PRR23E: variants seen among roughly 807,000 people sequenced by gnomAD.
PRR23E encodes the protein proline-rich protein 23E.
At chr3:127,193,324 G>A in the PRR23E span, 1 of 152,312 alleles carries the variant, frequency 6.6e-6, no homozygotes, top group Admixed American at 6.5e-5. Context: ...GGCTGAGGGG[G>A]TGGGGCGAGG....
At chr3:127,195,805 T>C in the PRR23E span, among the ~76,000 whole-genome samples, 1 of 152,270 alleles carries the variant, frequency 6.6e-6, no homozygotes, top group Admixed American at 6.5e-5. Flanking sequence ...GCCTCATCCT[T>C]GTCACCTAAG....
At chr3:127,193,900 T>A in the PRR23E span, among the ~76,000 whole-genome samples, 1 of 152,262 alleles carries the variant, frequency 6.6e-6, no homozygotes, top group Non-Finnish European at 1.5e-5. Context: ...TGATTTTGTA[T>A]AGCTTATTCT....
At chr3:127,196,950 A>G in the PRR23E span, 1 of 1,599,324 alleles carries the variant, frequency 6.3e-7, no homozygotes, top group Non-Finnish European at 8.5e-7. Context: ...GTATCTCTGG[A>G]TGGGTTATCC....
the PRR23E span, chr3:127,197,843 T>A: frequency 6.5e-6 from 1 of 155,008 alleles, no homozygotes; most frequent in Non-Finnish European, 1.4e-5. Context: ...GCAAAGACCC[T>A]CAGCAGGATC....
the PRR23E span, chr3:127,197,303 G>A: frequency 6.3e-7 from 1 of 1,598,720 alleles, no homozygotes; most frequent in East Asian, 2.2e-5. Context: ...GCAGTTCAGA[G>A]CTCCGCCCTC....
the PRR23E span, chr3:127,196,962 C>T: frequency 5.0e-6 from 8 of 1,599,454 alleles, no homozygotes; most frequent in African/African-American, 1.3e-5. Flanking sequence ...GGGTTATCCC[C>T]CTCCAGCTGC....
chr3:127,197,223 T>A, the PRR23E span: 1 of 1,598,512 alleles, frequency 6.3e-7, no homozygotes, highest in Non-Finnish European at 8.5e-7. Context: ...AGCTCCCTAC[T>A]TGAAGACATG....
At chr3:127,193,453 T>C in the PRR23E span, among the ~76,000 whole-genome samples, 9 of 151,948 alleles carry the variant, frequency 5.9e-5, no homozygotes, top group Non-Finnish European at 1.0e-4. Context: ...GGCCTGAAAG[T>C]GTCCGCGTCG....
the PRR23E span, among the ~76,000 whole-genome samples, chr3:127,195,729 C>T: frequency 1.7e-4 from 26 of 152,290 alleles, 1 homozygote; most frequent in South Asian, 4.4e-3. Context: ...CACCAGCCTC[C>T]GCTCCTTGAT....
the PRR23E span, chr3:127,197,245 C>G: frequency 6.3e-7 from 1 of 1,599,352 alleles, no homozygotes; most frequent in East Asian, 2.2e-5. Flanking sequence ...AAAGCCCCTC[C>G]CTCAGAATGG....
At chr3:127,194,609 A>G in the PRR23E span, among the ~76,000 whole-genome samples, 3 of 152,258 alleles carry the variant, frequency 2.0e-5, no homozygotes, top group Admixed American at 2.0e-4. Flanking sequence ...TTCTCAGTGC[A>G]TTTCGGTTTC....
the PRR23E span, chr3:127,196,780 C>T: frequency 1.3e-6 from 2 of 1,597,382 alleles, no homozygotes; most frequent in East Asian, 2.2e-5. Flanking sequence ...GCAGCCTCAA[C>T]CCCCTGGGTG....
the PRR23E span, chr3:127,196,780 C>A: frequency 6.3e-7 from 1 of 1,597,382 alleles, no homozygotes. Flanking sequence ...GCAGCCTCAA[C>A]CCCCTGGGTG....
chr3:127,195,805 T>A, the PRR23E span, among the ~76,000 whole-genome samples: 2 of 152,152 alleles, frequency 1.3e-5, no homozygotes. Context: ...GCCTCATCCT[T>A]GTCACCTAAG....
chr3:127,197,690 A>ACATG, the PRR23E span: 1 of 323,318 alleles, frequency 3.1e-6, no homozygotes, highest in African/African-American at 2.1e-5. Flanking sequence ...GAGTCCTCAA[A>ACATG]CATGCATGCA....
the PRR23E span, among the ~76,000 whole-genome samples, chr3:127,195,483 T>C: frequency 6.6e-6 from 1 of 152,144 alleles, no homozygotes; most frequent in Non-Finnish European, 1.5e-5. Flanking sequence ...CCCTCACTTG[T>C]ACCCTAAAAG....
chr3:127,196,038 A>G, the PRR23E span, among the ~76,000 whole-genome samples: 1 of 152,218 alleles, frequency 6.6e-6, no homozygotes, highest in East Asian at 1.9e-4. Context: ...TGTTCACAAC[A>G]TTCCAGAACA....
chr3:127,195,784 C>T, the PRR23E span, among the ~76,000 whole-genome samples: 1 of 152,256 alleles, frequency 6.6e-6, no homozygotes, highest in South Asian at 2.1e-4. Context: ...ACCTCTCCAC[C>T]GTCTCTCTGT....
chr3:127,197,029 TA>T, the PRR23E span: 4 of 1,596,198 alleles, frequency 2.5e-6, no homozygotes, highest in African/African-American at 5.3e-5. Flanking sequence ...GACCCCCTCA[TA>T]GGAAGTCCGT....
Sources: allele counts gnomAD v4.1 joint callset (sites outside exome capture counted in the v4.1 genomes callset), GRCh38; gene constraint gnomAD v4.1.1; transcripts MANE v1.5; gene names NCBI Gene and HGNC (gene_info 2026-07-23, HGNC 2026-07-21).